Variants in HAUS7 observed in about 807,000 individuals in gnomAD.
The protein encoded by HAUS7 is HAUS augmin like complex subunit 7, also known as HAUS augmin-like complex subunit 7.
HAUS7 carries 3 observed loss-of-function variants against 28.4 expected under a neutral mutation model. That is an observed-to-expected ratio of 0.11 (90% CI 0.05 to 0.27). The LOEUF (loss-of-function observed/expected upper bound fraction) is 0.27. Ranked by LOEUF, HAUS7 falls within the 10% of genes least tolerant of loss-of-function variation. The pLI is 1.00. For synonymous variants in HAUS7, 165 were observed against 132.1 expected (o/e 1.25, Z -1.71); for missense variants, 284 against 297.3 (o/e 0.96, Z 0.33).
chrX:153,469,485 G>T (rs2089493624), intron 1 of HAUS7, among the ~76,000 whole-genome samples: 1 of 111,822 alleles, frequency 8.9e-6, no homozygotes, highest in African/African-American at 3.3e-5. Context: ...GCGCCACCAC[G>T]CCCGGACAAT....
intron 2 of HAUS7, among the ~76,000 whole-genome samples, chrX:153,467,190 G>A (rs1341236554): frequency 2.7e-5 from 3 of 111,573 alleles, no homozygotes; most frequent in Non-Finnish European, 5.7e-5. Flanking sequence ...CAGCCTCCCA[G>A]GTTCCCAGGC....
At chrX:153,470,727 C>G (rs1259474283), upstream of HAUS7, 3 of 693,233 alleles carry the variant, frequency 4.3e-6, no homozygotes, top group African/African-American at 6.5e-5. Context: ...GCTCCCACCC[C>G]CCGCCCCGGC....
chrX:153,448,059 C>T (rs976939910), intron 9 of HAUS7, 150 bp from the exon 10 acceptor site: 11 of 469,614 alleles, frequency 2.3e-5, no homozygotes, highest in East Asian at 1.1e-4. Context: ...ACCCAAAGGA[C>T]TATAAATCAT....
At chrX:153,474,730 CGGGG>C (rs2089551023), upstream of HAUS7, among the ~76,000 whole-genome samples, 1 of 22,140 alleles carries the variant, frequency 4.5e-5, no homozygotes, top group African/African-American at 1.4e-4. Flanking sequence ...GGGGCGGGGG[CGGGG>C]GCGCGGGCGC....
intron 8 of HAUS7, 27 bp from the exon 9 acceptor site, chrX:153,454,535 AGG>A: frequency 1.1e-5 from 1 of 91,869 alleles, no homozygotes; most frequent in Admixed American, 1.8e-4. Context: ...GGAGGGAGGG[AGG>A]GAGGGAGGGA....
At chrX:153,474,429 G>GT (rs1253041980), upstream of HAUS7, among the ~76,000 whole-genome samples, 1 of 111,691 alleles carries the variant, frequency 9.0e-6, no homozygotes, top group African/African-American at 3.3e-5. Context: ...GGGCCTGGAG[G>GT]TGCTACCATC....
chrX:153,467,397 G>A (rs963883071), intron 2 of HAUS7, among the ~76,000 whole-genome samples: 3 of 111,389 alleles, frequency 2.7e-5, no homozygotes, highest in African/African-American at 6.5e-5. Context: ...CAGGTTCCAC[G>A]CCTGCCCTGC....
intron 9 of HAUS7, among the ~76,000 whole-genome samples, chrX:153,454,081 G>C (rs2089271402): frequency 9.0e-6 from 1 of 111,664 alleles, no homozygotes; most frequent in African/African-American, 3.3e-5. Context: ...CCAAAGTGCT[G>C]GGATTACAGG....
Position 153,469,475 on chromosome X carries a change from G to C in HAUS7, c.109-214C>G, listed in dbSNP as rs975268319. On this transcript the variant is annotated intron_variant, in intron 1 of 9. Transcript: ENST00000370211. ...AGGGTAGCTGGGGGATTACAGGCATGCGCCACCACGCCCGGACAATTTTTG... is the reference window on the plus strand; with the variant it reads ...AGGGTAGCTGGGGGATTACAGGCATCCGCCACCACGCCCGGACAATTTTTG... Among the ~76,000 whole-genome samples the C allele has an allele frequency of 3.6e-5, 4 of 112,304 alleles. 1 individual carries two copies. The East Asian group carries it at 1.1e-3, about 32-fold the overall frequency.
At chrX:153,462,302 C>T (rs1602936952) in intron 4 of HAUS7, 1 of 475,359 alleles carries the variant, frequency 2.1e-6, no homozygotes, top group Non-Finnish European at 2.6e-6. Context: ...ATGAAGTCAT[C>T]AACCAAGGAC....
chrX:153,481,405 G>T, intron 1 of HAUS7: 4 of 754,697 alleles, frequency 5.3e-6, no homozygotes, highest in Non-Finnish European at 6.3e-6. Context: ...CCCACAGAAG[G>T]ACCGCAGCCG....
At chrX:153,468,291 G>A (rs1398893417) in intron 2 of HAUS7, among the ~76,000 whole-genome samples, 1 of 112,287 alleles carries the variant, frequency 8.9e-6, no homozygotes, top group Non-Finnish European at 1.9e-5. Flanking sequence ...GCAAGGGTAG[G>A]CAGGCCGCAG....
chrX:153,449,266 C>T (rs1556980679), intron 9 of HAUS7, among the ~76,000 whole-genome samples: 2 of 112,274 alleles, frequency 1.8e-5, no homozygotes, highest in Admixed American at 9.4e-5. Context: ...ATCTGTCATC[C>T]TCTGCCCATC....
In HAUS7 at chrX:153,448,560, AAAAT is replaced by A. The variant is rs1318781372; in HGVS notation, c.1046-655_1046-652del. On this transcript the variant is annotated intron_variant, in intron 9 of 9. Transcript: ENST00000370211. ...AAGTATAATAAAAATATATATATATAAAATAAATAAATAAAATAAACAAATAAAT... is the reference window on the plus strand; with the variant it reads ...AAGTATAATAAAAATATATATATATAAAATAAATAAAATAAACAAATAAAT... Among the ~76,000 whole-genome samples, 130 of 110,578 alleles carry A rather than the reference AAAAT, an allele frequency of 1.2e-3. 1 individual carries two copies. The highest frequency in any genetic ancestry group is 3.9e-3 in the African/African-American group (121 of 30,707).
chrX:153,452,320 T>C (rs900651510), intron 9 of HAUS7, among the ~76,000 whole-genome samples: 1 of 111,346 alleles, frequency 9.0e-6, no homozygotes, highest in East Asian at 2.8e-4. Flanking sequence ...CAAATCCACA[T>C]GAAGAAATAA....
At chrX:153,456,185 C>T (rs1249770534) in intron 7 of HAUS7, 80 bp downstream of exon 7, 15 of 779,494 alleles carry the variant, frequency 1.9e-5, no homozygotes, top group Non-Finnish European at 2.7e-5. Flanking sequence ...GCAACCTCGC[C>T]TAAGCCTCAC....
chrX:153,471,327 C>T (rs1056696609), upstream of HAUS7, among the ~76,000 whole-genome samples: 12 of 112,151 alleles, frequency 1.1e-4, no homozygotes, highest in African/African-American at 3.9e-4. Context: ...CAGTGCCCGG[C>T]GCATGCGAAG....
intron 3 of HAUS7, among the ~76,000 whole-genome samples, chrX:153,464,699 T>C (rs2089434759): frequency 8.9e-6 from 1 of 112,415 alleles, no homozygotes; most frequent in Non-Finnish European, 1.9e-5. Flanking sequence ...AAATGCCACC[T>C]GTAGAGAGCG....
chrX:153,456,831 T>G (rs1556982358), intron 5 of HAUS7, 180 bp from the exon 6 acceptor site: 3 of 448,599 alleles, frequency 6.7e-6, no homozygotes, highest in South Asian at 6.9e-5. Context: ...TTTGCCCGCC[T>G]ACCTACCCAC....
Sources: allele counts gnomAD v4.1 joint callset (sites outside exome capture counted in the v4.1 genomes callset), GRCh38; gene constraint gnomAD v4.1.1; transcripts MANE v1.5; gene names NCBI Gene and HGNC (gene_info 2026-07-23, HGNC 2026-07-21).